SLFN14: variants seen among roughly 807,000 people sequenced by gnomAD.
SLFN14 encodes protein SLFN14.
In SLFN14, 47 loss-of-function variants were observed where a neutral mutation model predicts 58.6. The ratio of observed to expected loss-of-function variants is 0.80; its 90% confidence interval spans 0.64 to 1.02. SLFN14 has a LOEUF of 1.02. Ranked by LOEUF, SLFN14 falls within the 50% of genes least tolerant of loss-of-function variation. The pLI is 0.00. For synonymous variants in SLFN14, 390 were observed against 387.3 expected, an observed-to-expected ratio of 1.01 and a Z score of -0.08; for missense variants, 967 against 1,078.4, an observed-to-expected ratio of 0.90 and a Z score of 1.45.
Position 35,547,598 on chromosome 17 carries a change from A to G in SLFN14, c.*641T>C, listed in dbSNP as rs1394786668. Among the ~76,000 whole-genome samples the G allele has an allele frequency of 6.6e-6, 1 of 152,228 alleles. No homozygotes were observed. The highest frequency in any genetic ancestry group is 1.5e-5 in the Non-Finnish European group (1 of 68,038). ...TTGGTCCTTTGTGAGCTTGATTAGC[A>G]TAAAGCATCCCCAAGAGACTGATCT... is the stretch of plus-strand genomic sequence containing the variant. On this transcript the variant is annotated 3_prime_UTR_variant, in exon 6 of 6. Transcript: ENST00000674182.
chr17:35,555,789 G>T (rs184489048), intron 3 of SLFN14, among the ~76,000 whole-genome samples: 5 of 152,266 alleles, frequency 3.3e-5, no homozygotes, highest in Admixed American at 2.0e-4. Context: ...GGATTGATTA[G>T]GAATCACCAA....
intron 2 of SLFN14, among the ~76,000 whole-genome samples, 188 bp downstream of exon 2, chr17:35,559,539 A>G (rs2072682557): frequency 6.6e-6 from 1 of 152,214 alleles, no homozygotes; most frequent in Admixed American, 6.5e-5. Context: ...CCTAGACCAG[A>G]AAACAGCCAC....
Position 35,557,799 on chromosome 17 carries a change from A to G in SLFN14, c.264T>C (p.Leu88=). The change falls in exon 3 of 6, where the codon CTT becomes CTC. Residue 88 remains leucine (L), a synonymous_variant. Transcript: ENST00000674182. ...QDLETSFQKL[L]PSGSQKYLDY... Reference sequence around the variant, plus strand: ...CAAGGTATTTCTGTGAACCTGAAGGAAGGAGCTTTTGAAAAGAAGTTTCCA... The same window carrying G: ...CAAGGTATTTCTGTGAACCTGAAGGGAGGAGCTTTTGAAAAGAAGTTTCCA... 1 of 1,551,726 alleles carries G rather than the reference A, an allele frequency of 6.4e-7. No homozygotes were observed. Among genetic ancestry groups the G allele is most frequent in the Non-Finnish European group, 8.7e-7 (1 of 1,146,978 alleles).
intron 1 of SLFN14, among the ~76,000 whole-genome samples, 179 bp from the exon 2 acceptor site, chr17:35,559,984 T>C (rs1717789036): frequency 6.6e-6 from 1 of 152,246 alleles, no homozygotes; most frequent in African/African-American, 2.4e-5. Context: ...TCCAACAATC[T>C]ATAGGATTCT....
chr17:35,552,323 T>C (rs1265976519), intron 5 of SLFN14, among the ~76,000 whole-genome samples: 2 of 152,122 alleles, frequency 1.3e-5, no homozygotes, highest in South Asian at 4.1e-4. Flanking sequence ...TAAGCCTAGC[T>C]GGGAAGGTGA....
At position 35,548,813 on chromosome 17, in the gene SLFN14, TG is replaced by T. The variant is rs745536550; in HGVS notation, c.2164del (p.Gln722SerfsTer17). On this transcript the variant is annotated frameshift_variant, in exon 6 of 6. Coordinates refer to ENST00000674182, the MANE Select transcript of SLFN14 (RefSeq NM_001129820.2). LOFTEE classifies it low-confidence loss of function (END_TRUNC). ...DVNGLPPPSA[Q>X]FPRKTITSGI... ...ACTGGTGATTGTTTTTCGAGGAAAC[TG>T]AGCAGATGGAGGGGGAAGGCCATTG... 2 of 1,551,298 alleles carry T rather than the reference TG, an allele frequency of 1.3e-6. No individual in the cohort carries two copies. Among genetic ancestry groups the T allele is most frequent in the Non-Finnish European group, 1.7e-6 (2 of 1,146,696 alleles).
chr17:35,548,356 A>C lies in SLFN14; in HGVS notation c.2622T>G (p.Thr874=). 1 of 1,551,732 alleles carries C rather than the reference A, an allele frequency of 6.4e-7. No individual in the cohort carries two copies. Among genetic ancestry groups the C allele is most frequent in the Non-Finnish European group, 8.7e-7 (1 of 1,146,992 alleles). ...ATTCTGGACTAAGCCCAAACACGACAGTCCTCTCCAGGCCTGAAAATTGCT... is the reference window on the plus strand; with the variant it reads ...ATTCTGGACTAAGCCCAAACACGACCGTCCTCTCCAGGCCTGAAAATTGCT... ...SIQQFSGLER[T]VVFGLSPECD... is the part of the protein sequence containing the mutation. Residue 874 remains threonine, a synonymous_variant, in exon 6 of 6, where the codon ACT becomes ACG. Coordinates refer to ENST00000674182, the MANE Select transcript of SLFN14 (RefSeq NM_001129820.2).
Position 35,553,195 on chromosome 17 carries a change from C to A in SLFN14, c.1439G>T (p.Gly480Val), listed in dbSNP as rs1159138883. ...TGTGTTTCGGGCATATTCAAGTCCT[C>A]CAGGCCAATTGGGGTCTATTAAGAT... is the stretch of plus-strand genomic sequence containing the variant. ...YTILIDPNWP[G>V]GLEYARNTAH... Residue 480 changes from glycine (G) to valine (V), a missense_variant, in exon 5 of 6, where the codon GGA becomes GTA. Physicochemically the swap from Gly to Val is moderately radical, Grantham distance 109. Coordinates refer to ENST00000674182, the MANE Select transcript of SLFN14 (RefSeq NM_001129820.2). 3.9e-6 allele frequency: 6 copies of A among 1,551,672 alleles called. No homozygotes were observed. Among genetic ancestry groups the A allele is most frequent in the Non-Finnish European group, 5.2e-6 (6 of 1,146,986 alleles).
chr17:35,556,951 G>C lies in SLFN14; in HGVS notation c.1060+52C>G, dbSNP rs536830745. On this transcript the variant is annotated intron_variant, in intron 3 of 5. Coordinates refer to ENST00000674182, the MANE Select transcript of SLFN14 (RefSeq NM_001129820.2). ...TGTGATCAAATACCCACAAAAGGCAGAGAAAGGGGTTCCTCCCTGCTGATG... is the reference window on the plus strand; with the variant it reads ...TGTGATCAAATACCCACAAAAGGCACAGAAAGGGGTTCCTCCCTGCTGATG... The C allele has an allele frequency of 4.1e-6, 6 of 1,462,762 alleles. No homozygotes were observed. In the African/African-American group the frequency reaches 7.1e-5, roughly 17 times the overall value. 90.6% of individuals were successfully genotyped at this position (1,462,762 alleles called of 1,614,324 possible). A position where few individuals can be genotyped will look rare whatever the true frequency, so the allele number is the denominator to read the frequency against.
intron 2 of SLFN14, among the ~76,000 whole-genome samples, chr17:35,559,080 G>A (rs1013989560): frequency 3.6e-4 from 54 of 151,904 alleles, no homozygotes; most frequent in African/African-American, 1.3e-3. Context: ...TTAAACATTA[G>A]GCAGGTATGG....
At chr17:35,552,144 C>T (rs998119389) in intron 5 of SLFN14, among the ~76,000 whole-genome samples, 3 of 152,216 alleles carry the variant, frequency 2.0e-5, no homozygotes, top group African/African-American at 7.2e-5. Context: ...ACATCAAAGG[C>T]ACCCCTCCCG....
chr17:35,559,763 C>G lies in SLFN14; in HGVS notation c.-81G>C, dbSNP rs1462617742. Among the ~76,000 whole-genome samples the G allele has an allele frequency of 6.6e-6, 1 of 152,168 alleles. No homozygotes were observed. The highest frequency in any genetic ancestry group is 1.9e-4 in the East Asian group (1 of 5,198). ...AAGCAGGCATCCGGCAAGACATGTG[C>G]ACTCCCCTGATATCAATTTGTTCTT... On this transcript the variant is annotated 5_prime_UTR_variant, in exon 2 of 6. Coordinates refer to ENST00000674182, the MANE Select transcript of SLFN14 (RefSeq NM_001129820.2).
At chr17:35,549,984 G>A (rs954407631) in intron 5 of SLFN14, among the ~76,000 whole-genome samples, 2 of 152,144 alleles carry the variant, frequency 1.3e-5, no homozygotes, top group African/African-American at 4.8e-5. Context: ...AATAAAGAAC[G>A]TAGTCCTCAG....
chr17:35,553,357 G>T lies in SLFN14; in HGVS notation c.1277C>A (p.Thr426Asn), dbSNP rs190500366. 60 of 1,551,602 alleles carry T rather than the reference G, an allele frequency of 3.9e-5. No individual in the cohort carries two copies. The African/African-American group carries it at 7.2e-4, about 19-fold the overall frequency. ...CCCCTGAGAACAAGGATGTATCAGG[G>T]TCTTCATTAAACCCTCCAGTTCTTT... is the stretch of plus-strand genomic sequence containing the variant. ...DHKELEGLMK[T>N]LIHPCSQGIV... The change falls in exon 5 of 6, where the codon ACC (threonine) becomes AAC (asparagine). Residue 426 changes from threonine to asparagine, a missense_variant. Thr to Asn is a moderately conservative substitution (Grantham distance 65). Coordinates refer to ENST00000674182, the MANE Select transcript of SLFN14 (RefSeq NM_001129820.2).
Position 35,548,770 on chromosome 17 carries a change from C to T in SLFN14, c.2208G>A (p.Leu736=). Residue 736 remains leucine, a synonymous_variant, in exon 6 of 6, where the codon CTG becomes CTA. Coordinates refer to ENST00000674182, the MANE Select transcript of SLFN14 (RefSeq NM_001129820.2). ...CTTCTTTCATAACCTTCGCTATTTCCAGAGCACAGTGGATCCCACTGGTGA... is the reference window on the plus strand; with the variant it reads ...CTTCTTTCATAACCTTCGCTATTTCTAGAGCACAGTGGATCCCACTGGTGA... ...KTITSGIHCA[L]EIAKVMKEEM... is the part of the protein sequence containing the mutation. 1 of 1,551,632 alleles carries T rather than the reference C, an allele frequency of 6.4e-7. No individual in the cohort carries two copies. The highest frequency in any genetic ancestry group is 2.0e-5 in the Admixed American group (1 of 51,000).
At position 35,553,081 on chromosome 17, in the gene SLFN14, G is replaced by C. The variant is rs1427281045; in HGVS notation, c.1553C>G (p.Thr518Arg). The change falls in exon 5 of 6, where the codon ACA becomes AGA. Residue 518 changes from threonine to arginine, a missense_variant. Thr to Arg is a moderately conservative substitution (Grantham distance 71). Coordinates refer to ENST00000674182, the MANE Select transcript of SLFN14 (RefSeq NM_001129820.2). ...GGGGATCTCACCAGGTCTACTCTGT[G>C]TGCTGCTCAGGTGTATCAGCCTTGG... is the stretch of plus-strand genomic sequence containing the variant. ...IIPRLIHLSS[T>R]QSRPGEIPLR... The C allele has an allele frequency of 4.5e-6, 7 of 1,551,678 alleles. No individual in the cohort carries two copies. The highest frequency in any genetic ancestry group is 1.2e-5 in the South Asian group (1 of 84,062).
chr17:35,556,874 TA>T, intron 3 of SLFN14, 128 bp downstream of exon 3: 1 of 857,610 alleles, frequency 1.2e-6, no homozygotes, highest in African/African-American at 1.7e-5. Context: ...AGGAACACTG[TA>T]ATGGGAGAAC....
chr17:35,545,613 G>C lies in SLFN14; in HGVS notation c.*2626C>G, dbSNP rs546657179. On this transcript the variant is annotated 3_prime_UTR_variant, in exon 6 of 6. Coordinates refer to ENST00000674182, the MANE Select transcript of SLFN14 (RefSeq NM_001129820.2). ...GGGCTCAAGTGATCCTCCCACCTTGGCCTCTGGAGTAGCTAGGATTAAAAG... is the reference window on the plus strand; with the variant it reads ...GGGCTCAAGTGATCCTCCCACCTTGCCCTCTGGAGTAGCTAGGATTAAAAG... Among the ~76,000 whole-genome samples, 6 of 152,168 alleles carry C rather than the reference G, an allele frequency of 3.9e-5. No individual in the cohort carries two copies. In the East Asian group the frequency reaches 1.2e-3, roughly 29 times the overall value.
In SLFN14 at chr17:35,557,949, T is replaced by C; in HGVS notation, c.114A>G (p.Lys38=). The C allele has an allele frequency of 6.4e-7, 1 of 1,551,704 alleles. No individual in the cohort carries two copies. The highest frequency in any genetic ancestry group is 8.7e-7 in the Non-Finnish European group (1 of 1,146,996). The part of the protein sequence containing the change: ...NRKKMTNSCL[K]RSENSRIIRA... ...GGATAATTCTAGAATTCTCAGATCT[T>C]TTCAAACAGCTGTTGGTCATCTTCT... Residue 38 remains lysine (K), a synonymous_variant, in exon 3 of 6, where the codon AAA becomes AAG. Coordinates refer to ENST00000674182, the MANE Select transcript of SLFN14 (RefSeq NM_001129820.2).
Sources: gnomAD v4.1 joint callset for allele counts (sites outside exome capture counted in the v4.1 genomes callset) on GRCh38, gnomAD v4.1.1 for gene constraint, MANE v1.5 for transcripts, NCBI Gene and HGNC (gene_info 2026-07-23, HGNC 2026-07-21) for gene names.